Variants in ITGAE observed in about 807,000 individuals in gnomAD.
ITGAE encodes the protein integrin subunit alpha E.
A neutral mutation model predicts 136.5 loss-of-function variants in ITGAE; 99 were observed. The ratio of observed to expected loss-of-function variants is 0.73; its 90% CI spans 0.62 to 0.86. The LOEUF (loss-of-function observed/expected upper bound fraction) is 0.86, where lower values mean the gene tolerates loss of function less well. ITGAE is among the 40% of genes least tolerant of loss of function. The pLI, the probability that ITGAE is intolerant of heterozygous loss-of-function variation, is 0.00. For synonymous variants in ITGAE, 613 were observed against 591.8 expected, an observed-to-expected ratio of 1.04 and a Z score of -0.52; for missense variants, 1,447 against 1,515.3, an observed-to-expected ratio of 0.95 and a Z score of 0.75.
intron 1 of ITGAE, among the ~76,000 whole-genome samples, chr17:3,800,825 C>T (rs190424409): frequency 7.9e-5 from 12 of 152,308 alleles, no homozygotes; most frequent in Admixed American, 2.6e-4. Context: ...GAGAGGGCCT[C>T]GGTGGCGGGG....
intron 1 of ITGAE, among the ~76,000 whole-genome samples, chr17:3,796,197 G>A (rs1446967902): frequency 6.6e-6 from 1 of 151,650 alleles, no homozygotes; most frequent in Non-Finnish European, 1.5e-5. Flanking sequence ...GTGTGTGGTG[G>A]GGTAGTTCGC....
intron 30 of ITGAE, among the ~76,000 whole-genome samples, 154 bp from the exon 31 acceptor site, chr17:3,715,096 G>A (rs1244974897): frequency 6.6e-6 from 1 of 151,936 alleles, no homozygotes. Context: ...ATCTCTCCTG[G>A]AGAGTCCAAT....
rs776081668 is a variant in ITGAE, at chr17:3,725,923, A to G, written c.3084+1996T>C. The G allele has an allele frequency of 2.5e-6, 4 of 1,613,592 alleles. No individual in the cohort carries two copies. The East Asian group carries it at 8.9e-5, about 36-fold the overall frequency. ...GTGCTCTTAAAGAAAACCAGCCTCA[A>G]AAAACTCCACTACACCCTCAATGGG... On this transcript the variant is annotated intron_variant, in intron 26 of 30. Coordinates refer to ENST00000263087, the MANE Select transcript of ITGAE (RefSeq NM_002208.5).
At chr17:3,800,035 C>A (rs562833376) in intron 1 of ITGAE, among the ~76,000 whole-genome samples, 1 of 152,316 alleles carries the variant, frequency 6.6e-6, no homozygotes, top group East Asian at 1.9e-4. Context: ...AGGAGAACTG[C>A]TTGAACCTGG....
chr17:3,725,165 T>TTC, intron 26 of ITGAE: 1 of 1,614,228 alleles, frequency 6.2e-7, no homozygotes, highest in Non-Finnish European at 8.5e-7. Flanking sequence ...CCACTGCCAC[T>TTC]TCTCTCTCTG....
chr17:3,788,035 G>A (rs983196008), intron 1 of ITGAE, among the ~76,000 whole-genome samples: 2 of 151,982 alleles, frequency 1.3e-5, no homozygotes, highest in Non-Finnish European at 2.9e-5. Flanking sequence ...CAAGATTCCT[G>A]ACTATTTTGA....
At chr17:3,741,367 G>A (rs984159454) in intron 19 of ITGAE, among the ~76,000 whole-genome samples, 21 of 151,862 alleles carry the variant, frequency 1.4e-4, no homozygotes, top group African/African-American at 5.1e-4. Context: ...GATTACAGGC[G>A]TGAGCCCCCG....
At position 3,731,129 on chromosome 17, in the gene ITGAE, C is replaced by T. The variant is rs141441190; in HGVS notation, c.2809G>A (p.Ala937Thr). The change falls in exon 23 of 31, where the codon GCA (alanine) becomes ACA (threonine). Residue 937 changes from alanine (A) to threonine (T), a missense_variant. Coordinates refer to ENST00000263087, the MANE Select transcript of ITGAE (RefSeq NM_002208.5). ...LEENAFPNRT[A>T]DITVTVTNSN... ...TTGGTGACAGTCACAGTGATGTCTG[C>T]TGTCCTGTTTGGAAAGGCATTCTCC... 6.2e-7 allele frequency: 1 copy of T among 1,613,600 alleles called. No individual in the cohort carries two copies. Among genetic ancestry groups the T allele is most frequent in the South Asian group, 1.1e-5 (1 of 91,076 alleles).
chr17:3,755,866 C>A lies in ITGAE; in HGVS notation c.1203G>T (p.Leu401=). The change falls in exon 11 of 31, where the codon CTG becomes CTT. Residue 401 remains leucine (L), a synonymous_variant. Transcript: ENST00000263087. ...GTVGDALHYQ[L]AQIGFSAQIL... Reference sequence around the variant, plus strand: ...TCTGAGCACTGAAGCCAATCTGTGCCAGCTGGTAGTGAAGGGCGTCTCCAA... The same window carrying A: ...TCTGAGCACTGAAGCCAATCTGTGCAAGCTGGTAGTGAAGGGCGTCTCCAA... 1 of 1,600,786 alleles carries A rather than the reference C, an allele frequency of 6.2e-7. No individual in the cohort carries two copies. The highest frequency in any genetic ancestry group is 8.5e-7 in the Non-Finnish European group (1 of 1,174,000).
chr17:3,733,802 G>A lies in ITGAE; in HGVS notation c.2655+1015C>T, dbSNP rs552709736. On this transcript the variant is annotated intron_variant, in intron 21 of 30. Transcript: ENST00000263087. Reference sequence around the variant, plus strand: ...CTCCAGGGAAGGGTGGAGTTCAGATGAAATGTAAATAAAGTCCTGTTTTGA... The same window carrying A: ...CTCCAGGGAAGGGTGGAGTTCAGATAAAATGTAAATAAAGTCCTGTTTTGA... 1.2e-3 allele frequency among the ~76,000 whole-genome samples: 181 copies of A among 152,346 alleles called. 4 individuals carry two copies. In the Middle Eastern group the frequency reaches 0.017, roughly 14 times the overall value.
At chr17:3,739,374 C>G (rs1185608490) in intron 20 of ITGAE, among the ~76,000 whole-genome samples, 2 of 152,214 alleles carry the variant, frequency 1.3e-5, no homozygotes, top group Non-Finnish European at 2.9e-5. Context: ...GTATCCCCAG[C>G]ACCTAGAGTG....
At chr17:3,793,974 T>G (rs966716636) in intron 1 of ITGAE, among the ~76,000 whole-genome samples, 2 of 9,868 alleles carry the variant, frequency 2.0e-4, no homozygotes, top group Non-Finnish European at 4.1e-4. Context: ...CTCTTCATCC[T>G]TTTTTTTTTT....
At chr17:3,794,933 C>T (rs1052368538) in intron 1 of ITGAE, among the ~76,000 whole-genome samples, 1 of 152,184 alleles carries the variant, frequency 6.6e-6, no homozygotes, top group Non-Finnish European at 1.5e-5. Flanking sequence ...GGCACCCCCC[C>T]GCTCTGCCCG....
chr17:3,800,519 G>A lies in ITGAE; in HGVS notation c.34+592C>T, dbSNP rs901020561. Among the ~76,000 whole-genome samples the A allele has an allele frequency of 6.6e-5, 10 of 152,146 alleles. No individual in the cohort carries two copies. In the East Asian group the frequency reaches 9.6e-4, roughly 15 times the overall value. On this transcript the variant is annotated intron_variant, in intron 1 of 30. Transcript: ENST00000263087. ...GCTTGGCTTGCCCAGAGGCTTCCAT[G>A]GGACAGTTAAAGGCTAAAATGGGAC...
chr17:3,742,776 C>T (rs2051617040), intron 19 of ITGAE, among the ~76,000 whole-genome samples: 1 of 152,210 alleles, frequency 6.6e-6, no homozygotes, highest in Non-Finnish European at 1.5e-5. Flanking sequence ...CTCAGCCTCC[C>T]TAGTAGCTGG....
At chr17:3,785,311 A>C (rs1485835518) in intron 1 of ITGAE, among the ~76,000 whole-genome samples, 1 of 152,002 alleles carries the variant, frequency 6.6e-6, no homozygotes, top group African/African-American at 2.4e-5. Flanking sequence ...TCTACTAAAA[A>C]CACAAAAATC....
intron 26 of ITGAE, chr17:3,724,614 G>A: frequency 6.2e-7 from 1 of 1,614,220 alleles, no homozygotes; most frequent in Non-Finnish European, 8.5e-7. Flanking sequence ...AGCGACAGGA[G>A]GAGCCAAGGA....
At chr17:3,775,463 T>C (rs906755412) in intron 2 of ITGAE, among the ~76,000 whole-genome samples, 1 of 151,888 alleles carries the variant, frequency 6.6e-6, no homozygotes, top group African/African-American at 2.4e-5. Context: ...ATTTTTTGCT[T>C]GCTTTTCTTT....
At chr17:3,723,404 G>A (rs772594522) in intron 27 of ITGAE, 21 bp from the exon 28 acceptor site, 45 of 1,533,068 alleles carry the variant, frequency 2.9e-5, no homozygotes, top group Non-Finnish European at 3.9e-5. Flanking sequence ...GAGGTCTAGT[G>A]AACACAATTC....
Sources: gnomAD v4.1 joint callset for allele counts (sites outside exome capture counted in the v4.1 genomes callset) on GRCh38, gnomAD v4.1.1 for gene constraint, MANE v1.5 for transcripts, NCBI Gene and HGNC (gene_info 2026-07-23, HGNC 2026-07-21) for gene names.